Variants in TFDP2 observed in about 807,000 individuals in gnomAD.
TFDP2 encodes transcription factor Dp-2 (E2F dimerization partner 2).
A neutral mutation model predicts 59.3 loss-of-function variants in TFDP2; 17 were observed. The observed-to-expected ratio is 0.29, with a 90% CI of 0.20 to 0.43. TFDP2 has a LOEUF of 0.43. Ranked by LOEUF, TFDP2 falls within the 20% of genes least tolerant of loss-of-function variation. The pLI is 1.00. For synonymous variants in TFDP2, 180 were observed against 194.7 expected (o/e 0.92, Z 0.63); for missense variants, 391 against 528.8 (o/e 0.74, Z 2.56).
chr3:142,073,993 T>C (rs1196075073), intron 3 of TFDP2, among the ~76,000 whole-genome samples: 4 of 152,112 alleles, frequency 2.6e-5, no homozygotes, highest in Non-Finnish European at 2.9e-5. Flanking sequence ...AAAACAATCA[T>C]GACGAAGAAT....
intron 3 of TFDP2, among the ~76,000 whole-genome samples, chr3:142,044,659 C>G (rs1947238585): frequency 6.6e-6 from 1 of 152,196 alleles, no homozygotes; most frequent in Non-Finnish European, 1.5e-5. Flanking sequence ...GCGTGAGCCA[C>G]CGTGCCCGGC....
At chr3:142,136,757 C>T (rs538323415) in intron 1 of TFDP2, among the ~76,000 whole-genome samples, 1 of 151,970 alleles carries the variant, frequency 6.6e-6, no homozygotes, top group Non-Finnish European at 1.5e-5. Context: ...TGGTCTATAT[C>T]TCTGTTTTGG....
Position 141,945,633 on chromosome 3 carries a change from G to A in TFDP2, c.*6880C>T, listed in dbSNP as rs970130669. On this transcript the variant is annotated 3_prime_UTR_variant, in exon 13 of 13. Coordinates refer to ENST00000489671, the MANE Select transcript of TFDP2 (RefSeq NM_001178139.2). ...AAACTAGAACTGCAACAAGCCCAGAGGAGCTATTCAGGAGAAAAGTAGCCC... is the reference window on the plus strand; with the variant it reads ...AAACTAGAACTGCAACAAGCCCAGAAGAGCTATTCAGGAGAAAAGTAGCCC... 28 of 152,256 alleles carry A rather than the reference G, an allele frequency of 1.8e-4. No individual in the cohort carries two copies. The highest frequency in any genetic ancestry group is 6.3e-4 in the African/African-American group (26 of 41,452). 9.4% of individuals were successfully genotyped at this position (152,256 alleles called of 1,614,324 possible).
At chr3:142,084,711 A>C (rs1268911784) in intron 3 of TFDP2, among the ~76,000 whole-genome samples, 1 of 152,112 alleles carries the variant, frequency 6.6e-6, no homozygotes, top group Non-Finnish European at 1.5e-5. Flanking sequence ...AAGTGAAATA[A>C]GCAAGGCATG....
intron 1 of TFDP2, among the ~76,000 whole-genome samples, chr3:142,135,747 T>C (rs2062703579): frequency 6.6e-6 from 1 of 152,150 alleles, no homozygotes; most frequent in Admixed American, 6.5e-5. Context: ...TCCATTTTTA[T>C]GGCTGCATAG....
intron 9 of TFDP2, 75 bp downstream of exon 9, chr3:141,969,998 T>C (rs891709265): frequency 6.9e-6 from 10 of 1,441,384 alleles, no homozygotes; most frequent in Non-Finnish European, 9.8e-6. Context: ...GCACCACAAT[T>C]AGAAAACACA....
rs1936184423 is a variant in TFDP2 at position 141,953,546 on chromosome 3, G to C, written c.1052-530C>G. On this transcript the variant is annotated intron_variant, in intron 11 of 12. Transcript: ENST00000489671. Reference sequence around the variant, plus strand: ...GCCTGCTGCTGGTGAACTCAATGCTGCTACTCATCAAATATCTATTCTTTT... The same window carrying C: ...GCCTGCTGCTGGTGAACTCAATGCTCCTACTCATCAAATATCTATTCTTTT... Among the ~76,000 whole-genome samples, 4 of 152,252 alleles carry C rather than the reference G, an allele frequency of 2.6e-5. No homozygotes were observed. In the South Asian group the frequency reaches 8.3e-4, roughly 32 times the overall value.
At chr3:142,068,750 G>T (rs930648215) in intron 3 of TFDP2, among the ~76,000 whole-genome samples, 3 of 151,640 alleles carry the variant, frequency 2.0e-5, no homozygotes, top group African/African-American at 4.8e-5. Context: ...GTAGAGACAG[G>T]GTTTCACCAT....
rs1936039177 is a variant in TFDP2, at chr3:141,952,540, A to T, written c.1314T>A (p.Asp438Glu). The change falls in exon 13 of 13, where the codon GAT becomes GAA. Residue 438 changes from aspartate (D) to glutamate (E), a missense_variant. Asp to Glu is a conservative substitution (Grantham distance 45, BLOSUM62 2). This residue lies in a region of TFDP2 where 223 missense variants were observed against 292.5 expected (regional missense o/e 0.76). Coordinates refer to ENST00000489671, the MANE Select transcript of TFDP2 (RefSeq NM_001178139.2). ...ATTCTGGGGAGGAGGAATCCTCCTC[A>T]TCATCTTCCTCATCTTCATCATTGA... ...CSFNDEDEED[D>E]EEDSSSPE 6.4e-7 allele frequency: 1 copy of T among 1,553,348 alleles called. No individual in the cohort carries two copies. Among genetic ancestry groups the T allele is most frequent in the Admixed American group, 2.3e-5 (1 of 42,746 alleles).
chr3:141,998,523 A>G (rs11711960), intron 4 of TFDP2, among the ~76,000 whole-genome samples: 10,640 of 152,194 alleles, frequency 0.07, 472 homozygotes, highest in Non-Finnish European at 0.11. Flanking sequence ...AGGCTGAGGC[A>G]GAAGAATCAC....
chr3:142,051,400 G>C (rs189491255), intron 3 of TFDP2, among the ~76,000 whole-genome samples: 3 of 152,110 alleles, frequency 2.0e-5, no homozygotes, highest in African/African-American at 7.2e-5. Context: ...TTGGCTGGGC[G>C]TGGTGGTGTG....
intron 6 of TFDP2, among the ~76,000 whole-genome samples, chr3:141,992,554 C>T (rs564606428): frequency 4.6e-4 from 70 of 152,230 alleles, no homozygotes; most frequent in African/African-American, 1.6e-3. Flanking sequence ...GGATAAACAC[C>T]AGTAAAGACC....
rs575968937 is a variant in TFDP2, at chr3:142,024,998, C to T, written c.83-19454G>A. 1.5e-3 allele frequency among the ~76,000 whole-genome samples: 218 copies of T among 147,556 alleles called. 1 individual carries two copies. The highest frequency in any genetic ancestry group is 4.9e-3 in the African/African-American group (196 of 39,870). ...TTGTGCCACTGCACTCCAGCCCAGG[C>T]GACAACAGCGAGACTCTGTCTCAAA... On this transcript the variant is annotated intron_variant, in intron 3 of 12. Transcript: ENST00000489671.
chr3:142,024,328 A>G (rs1945896058), intron 3 of TFDP2, among the ~76,000 whole-genome samples: 1 of 152,228 alleles, frequency 6.6e-6, no homozygotes, highest in Non-Finnish European at 1.5e-5. Flanking sequence ...AACTTGGTAG[A>G]AAGAAACAAC....
intron 1 of TFDP2, among the ~76,000 whole-genome samples, chr3:142,135,594 C>T (rs1004944716): frequency 3.9e-5 from 6 of 151,968 alleles, no homozygotes; most frequent in African/African-American, 1.4e-4. Flanking sequence ...TGTGATGCTT[C>T]CTGCCCTGTG....
chr3:142,007,825 G>T (rs1944335016), intron 3 of TFDP2, among the ~76,000 whole-genome samples: 1 of 152,138 alleles, frequency 6.6e-6, no homozygotes, highest in African/African-American at 2.4e-5. Context: ...TGCCGCTGCT[G>T]ATCTGACAGG....
intron 1 of TFDP2, among the ~76,000 whole-genome samples, chr3:142,147,991 G>A (rs2063231982): frequency 6.6e-6 from 1 of 151,826 alleles, no homozygotes; most frequent in African/African-American, 2.4e-5. Context: ...CTTTTAAAGA[G>A]AGACAGGGAC....
In TFDP2 at chr3:142,088,139, G is replaced by A. The variant is rs140185613; in HGVS notation, c.82+4922C>T. On this transcript the variant is annotated intron_variant, in intron 3 of 12. Transcript: ENST00000489671. ...ATCCTTAGCACCTAGAAAAATGCCT[G>A]GCACATAGTAAGTAAGTACTATTCA... Among the ~76,000 whole-genome samples, 753 of 152,220 alleles carry A rather than the reference G, an allele frequency of 4.9e-3. 5 individuals carry two copies. Among genetic ancestry groups the A allele is most frequent in the Non-Finnish European group, 8.3e-3 (566 of 68,010 alleles).
chr3:141,973,113 ATATATATATAT>A (rs990565231), intron 8 of TFDP2, among the ~76,000 whole-genome samples: 7 of 107,000 alleles, frequency 6.5e-5, no homozygotes, highest in African/African-American at 2.2e-4. Context: ...ATATATATAT[ATATATATATAT>A]TTTTTTTTTT....
Sources: gnomAD v4.1 joint callset for allele counts (sites outside exome capture counted in the v4.1 genomes callset) on GRCh38, gnomAD v4.1.1 for gene constraint, gnomAD v4.1.1 regional missense constraint, MANE v1.5 for transcripts, NCBI Gene and HGNC (gene_info 2026-07-23, HGNC 2026-07-21) for gene names.